TMEM71: variants seen among roughly 807,000 people sequenced by gnomAD.
The protein encoded by TMEM71 is transmembrane protein 71.
TMEM71 carries 44 observed loss-of-function variants against 38.0 expected under a neutral mutation model. The observed-to-expected ratio is 1.16, with a 90% CI of 0.91 to 1.49. TMEM71 has a LOEUF of 1.49. TMEM71 is among the 40% of genes most tolerant of loss of function. The pLI is 0.00. For synonymous variants in TMEM71, 133 were observed against 122.5 expected (o/e 1.09, Z -0.56); for missense variants, 367 against 348.6 (o/e 1.05, Z -0.42).
At position 132,757,309 on chromosome 8, in the gene TMEM71, GA is replaced by G; in HGVS notation, c.41-16del. 1.7e-6 allele frequency: 1 copy of G among 583,660 alleles called. No homozygotes were observed. The highest frequency in any genetic ancestry group is 1.8e-5 in the African/African-American group (1 of 56,428). 36.2% of individuals were successfully genotyped at this position (583,660 alleles called of 1,614,324 possible). A position where few individuals can be genotyped will look rare whatever the true frequency, so the allele number is the denominator to read the frequency against. ...CCTGGAAGAACCTGCATAAACAAAT[GA>G]GAGAGAAGTAGAATGTATCATACCT... On this transcript the variant is annotated splice_polypyrimidine_tract_variant and intron_variant, in intron 2 of 9. Coordinates refer to ENST00000677595, the MANE Select transcript of TMEM71 (RefSeq NM_001382403.1).
intron 4 of TMEM71, among the ~76,000 whole-genome samples, chr8:132,749,648 G>A (rs1242034092): frequency 6.6e-6 from 1 of 152,196 alleles, no homozygotes. Flanking sequence ...AAGAGGCTGG[G>A]TCTCTGAGTC....
chr8:132,773,014 A>G, the TMEM71 span, among the ~76,000 whole-genome samples: 1 of 152,238 alleles, frequency 6.6e-6, no homozygotes, highest in Non-Finnish European at 1.5e-5. Context: ...AATTTAATGT[A>G]TATTAAAACC....
chr8:132,760,308 G>C (rs1377152026), intron 1 of TMEM71, 168 bp downstream of exon 1: 1 of 152,200 alleles, frequency 6.6e-6, no homozygotes, highest in Non-Finnish European at 1.5e-5. Context: ...CTTCCAAAGG[G>C]AGTTCCCAGC....
At chr8:132,746,396 T>A (rs1303424547) in intron 5 of TMEM71, among the ~76,000 whole-genome samples, 7 of 19,676 alleles carry the variant, frequency 3.6e-4, no homozygotes, top group African/African-American at 7.4e-4. Flanking sequence ...TACATATATA[T>A]ATACATATAT....
chr8:132,751,872 G>A lies in TMEM71; in HGVS notation c.227C>T (p.Thr76Ile), dbSNP rs1428027670. ...RLLTNGYYIW[T>I]EDSFLCDKDG... ...TTTGTCGCACAGGAAGCTGTCTTCA[G>A]TCCAAATATAGTAGCCATTGGTGAG... Residue 76 changes from threonine to isoleucine, a missense_variant, in exon 4 of 10, where the codon ACT becomes ATT. Thr to Ile is a moderately conservative substitution (Grantham distance 89). Coordinates refer to ENST00000677595, the MANE Select transcript of TMEM71 (RefSeq NM_001382403.1). 1.9e-6 allele frequency: 3 copies of A among 1,613,934 alleles called. No individual in the cohort carries two copies. The highest frequency in any genetic ancestry group is 2.2e-5 in the South Asian group (2 of 91,078).
chr8:132,771,571 T>C, the TMEM71 span, among the ~76,000 whole-genome samples: 3 of 151,636 alleles, frequency 2.0e-5, no homozygotes, highest in African/African-American at 4.8e-5. Flanking sequence ...CAAAGTAATA[T>C]ATATTACTTC....
chr8:132,739,994 C>T (rs1455182020), intron 5 of TMEM71, among the ~76,000 whole-genome samples: 2 of 152,180 alleles, frequency 1.3e-5, no homozygotes. Context: ...CTCCTAATAG[C>T]GGACATCTAA....
At chr8:132,732,554 G>C (rs1373946058) in intron 5 of TMEM71, among the ~76,000 whole-genome samples, 1 of 152,044 alleles carries the variant, frequency 6.6e-6, no homozygotes, top group Admixed American at 6.6e-5. Context: ...TGATTCTGTG[G>C]GTGATTTAGA....
intron 5 of TMEM71, among the ~76,000 whole-genome samples, chr8:132,728,380 A>G (rs1323160362): frequency 6.6e-6 from 1 of 152,172 alleles, no homozygotes; most frequent in African/African-American, 2.4e-5. Context: ...TTGTAAAACC[A>G]TCAGATCTCA....
chr8:132,719,093 G>A (rs747612628), intron 7 of TMEM71, among the ~76,000 whole-genome samples: 1 of 152,102 alleles, frequency 6.6e-6, no homozygotes, highest in Non-Finnish European at 1.5e-5. Context: ...ACTTGATTTT[G>A]ATTTTTTGTA....
At chr8:132,744,911 C>T (rs1312638822) in intron 5 of TMEM71, among the ~76,000 whole-genome samples, 5 of 151,998 alleles carry the variant, frequency 3.3e-5, no homozygotes, top group Admixed American at 3.3e-4. Context: ...ACAAAGTTGA[C>T]AAAAAATAGC....
intron 1 of TMEM71, chr8:132,759,510 G>C (rs1460078786): frequency 6.6e-6 from 1 of 152,154 alleles, no homozygotes; most frequent in East Asian, 1.9e-4. Context: ...TTAGAACTTA[G>C]TTCCCATGAA....
At chr8:132,722,156 C>T in intron 6 of TMEM71, 41 bp from the exon 7 acceptor site, 1 of 1,447,956 alleles carries the variant, frequency 6.9e-7, no homozygotes, top group Non-Finnish European at 9.7e-7. Flanking sequence ...GAAATCATTG[C>T]TGATTCAATC....
chr8:132,708,476 T>C (rs1826126863), downstream of TMEM71, among the ~76,000 whole-genome samples: 1 of 152,210 alleles, frequency 6.6e-6, no homozygotes. Flanking sequence ...TGTAATGACA[T>C]TAGCACAAGC....
chr8:132,746,422 T>A (rs868601639), intron 5 of TMEM71, among the ~76,000 whole-genome samples: 1 of 19,164 alleles, frequency 5.2e-5, no homozygotes, highest in Non-Finnish European at 1.5e-4. Flanking sequence ...CACACACATA[T>A]ATATACATAT....
At chr8:132,734,957 G>T (rs78767639) in intron 5 of TMEM71, among the ~76,000 whole-genome samples, 4,007 of 152,258 alleles carry the variant, frequency 0.026, 183 homozygotes, top group African/African-American at 0.092. Context: ...GAAGCCCAAA[G>T]CCACATACTG....
Position 132,740,256 on chromosome 8 carries a change from C to T in TMEM71, c.487+6686G>A, listed in dbSNP as rs549656002. The stretch of plus-strand genomic sequence containing the variant: ...CTAGAACTTGTACACCAGCATTTCA[C>T]TTGCCTGGATTGTTCCTCCCCCAGA... On this transcript the variant is annotated intron_variant, in intron 5 of 9. Transcript: ENST00000677595. Among the ~76,000 whole-genome samples the T allele has an allele frequency of 2.8e-4, 42 of 152,288 alleles. No individual in the cohort carries two copies. The East Asian group carries it at 7.9e-3, about 29-fold the overall frequency.
At chr8:132,763,857 C>T (rs185405000), upstream of TMEM71, among the ~76,000 whole-genome samples, 27 of 152,250 alleles carry the variant, frequency 1.8e-4, no homozygotes, top group East Asian at 1.9e-4. Flanking sequence ...CTTTGACAGG[C>T]GGAATGCTAA....
intron 5 of TMEM71, among the ~76,000 whole-genome samples, chr8:132,736,797 C>T (rs988053243): frequency 6.6e-6 from 1 of 150,726 alleles, no homozygotes; most frequent in East Asian, 2.0e-4. Flanking sequence ...GACCACTGCA[C>T]CCCAGCCTGG....
Sources: allele counts gnomAD v4.1 joint callset (sites outside exome capture counted in the v4.1 genomes callset), GRCh38; gene constraint gnomAD v4.1.1; transcripts MANE v1.5; gene names NCBI Gene and HGNC (gene_info 2026-07-23, HGNC 2026-07-21).